The following HDAC5 variants were observed in gnomAD, a reference collection of about 807,000 sequenced individuals.
The protein encoded by HDAC5 is histone deacetylase 5.
In HDAC5, 25 loss-of-function variants were observed where a neutral mutation model predicts 133.3. The observed-to-expected ratio is 0.19, with a 90% CI of 0.14 to 0.26. HDAC5 has a LOEUF of 0.26. Ranked by LOEUF, HDAC5 falls within the 10% of genes least tolerant of loss-of-function variation. The pLI, the probability that HDAC5 is intolerant of heterozygous loss-of-function variation, is 1.00. For synonymous variants in HDAC5, 589 were observed against 610.8 expected (o/e 0.96, Z 0.53); for missense variants, 1,041 against 1,460.5 (o/e 0.71, Z 4.68).
At position 44,091,313 on chromosome 17, in the gene HDAC5, C is replaced by A; in HGVS notation, c.1344G>T (p.Val448=). The A allele has an allele frequency of 6.2e-7, 1 of 1,611,620 alleles. No homozygotes were observed. Among genetic ancestry groups the A allele is most frequent in the South Asian group, 1.1e-5 (1 of 90,860 alleles). Residue 448 remains valine, a synonymous_variant, in exon 11 of 27, where the codon GTG becomes GTT. Transcript: ENST00000682912. The stretch of plus-strand genomic sequence containing the variant: ...GCTGCCGGGCCTGCTCCAGCAACAG[C>A]ACATGCTGCAGCAGGGAGGCATGCC... ...PHGHASLLQH[V]LLLEQARQQS... is the part of the protein sequence containing the mutation.
chr17:44,123,178 G>C (rs958501951), intron 1 of HDAC5: 2 of 221,438 alleles, frequency 9.0e-6, no homozygotes, highest in African/African-American at 2.3e-5. Flanking sequence ...CCAGGGAAGG[G>C]GCAAATCAGA....
At chr17:44,095,884 G>A (rs189050) in intron 3 of HDAC5, among the ~76,000 whole-genome samples, 1 of 151,870 alleles carries the variant, frequency 6.6e-6, no homozygotes, top group Non-Finnish European at 1.5e-5. Context: ...AAGGCTGCTG[G>A]GGAGGGGAAG....
At chr17:44,082,728 C>A in intron 19 of HDAC5, 37 bp downstream of exon 19, 1 of 1,607,154 alleles carries the variant, frequency 6.2e-7, no homozygotes, top group Admixed American at 1.7e-5. Context: ...TTGCAAGAGA[C>A]AGGAAGGGGC....
At chr17:44,081,804 C>T (rs992522268) in intron 20 of HDAC5, 1 of 152,186 alleles carries the variant, frequency 6.6e-6, no homozygotes, top group Non-Finnish European at 1.5e-5. Context: ...TGGTCTCGAA[C>T]TCCTGACCCC....
At position 44,088,469 on chromosome 17, in the gene HDAC5, TGGGG is replaced by T. The variant is rs1285084001; in HGVS notation, c.1513_1516del (p.Pro505ArgfsTer51). The T allele has an allele frequency of 6.2e-7, 1 of 1,609,584 alleles. No individual in the cohort carries two copies. Among genetic ancestry groups the T allele is most frequent in the Admixed American group, 1.7e-5 (1 of 59,432 alleles). On this transcript the variant is annotated frameshift_variant, in exon 12 of 27. Coordinates refer to ENST00000682912, the MANE Select transcript of HDAC5 (RefSeq NM_005474.5). LOFTEE classifies it high-confidence loss of function. ...TTGCATGACCAGCTGCTGCAGGGCC[TGGGG>T]ACTCTGCGGCAGCGGTGAGGACTGA... is the stretch of plus-strand genomic sequence containing the variant.
chr17:44,108,783 A>C (rs1160190198), intron 3 of HDAC5, among the ~76,000 whole-genome samples: 2 of 150,414 alleles, frequency 1.3e-5, no homozygotes, highest in Non-Finnish European at 2.9e-5. Context: ...CAAAAAAAAA[A>C]CAAGGCTGCC....
intron 2 of HDAC5, among the ~76,000 whole-genome samples, chr17:44,115,573 G>C (rs182635051): frequency 6.6e-6 from 1 of 152,310 alleles, no homozygotes; most frequent in East Asian, 1.9e-4. Flanking sequence ...GAGCTGGGGG[G>C]AGGCTGACTA....
In HDAC5 at chr17:44,078,675, A is replaced by G. The variant is rs1348733298; in HGVS notation, c.3164-10T>C. 1.2e-6 allele frequency: 2 copies of G among 1,604,750 alleles called. No individual in the cohort carries two copies. The highest frequency in any genetic ancestry group is 1.7e-6 in the Non-Finnish European group (2 of 1,177,210). ...CAGCTCCAGTGTTTGCCTGTGGACG[A>G]GAGACAGGCAAGGGGTCAGGGAGGG... On this transcript the variant is annotated splice_polypyrimidine_tract_variant and intron_variant, in intron 25 of 26. Transcript: ENST00000682912.
At chr17:44,083,747 G>T in intron 17 of HDAC5, 58 bp downstream of exon 17, 1 of 1,585,620 alleles carries the variant, frequency 6.3e-7, no homozygotes, top group Non-Finnish European at 8.7e-7. Context: ...GGTAGGCAGG[G>T]AAGAGACAGA....
intron 3 of HDAC5, among the ~76,000 whole-genome samples, chr17:44,108,766 A>AC (rs1156949203): frequency 1.5e-4 from 22 of 146,748 alleles, no homozygotes; most frequent in African/African-American, 5.9e-4. Context: ...AAAAAACAAA[A>AC]AAAAAACAAA....
rs2050205538 is a variant in HDAC5 at position 44,078,298 on chromosome 17, ATG to A, written c.*76_*77del. The A allele has an allele frequency of 2.7e-5, 38 of 1,420,974 alleles. No individual in the cohort carries two copies. The South Asian group carries it at 5.4e-4, about 20-fold the overall frequency. 88.0% of individuals were successfully genotyped at this position (1,420,974 alleles called of 1,614,324 possible). ...AGACCCACACGGCACACCTTGTTGA[ATG>A]TGTGACTTTTTGTTTTTAATAGAAA... On this transcript the variant is annotated 3_prime_UTR_variant, in exon 27 of 27. Coordinates refer to ENST00000682912, the MANE Select transcript of HDAC5 (RefSeq NM_005474.5).
Position 44,078,068 on chromosome 17 carries a change from G to A in HDAC5, c.*308C>T. ...CCCAGAACTGGAGAGTACTGTCTGG[G>A]CCCCCGTGCCCACCTTGAGCTGGCC... On this transcript the variant is annotated 3_prime_UTR_variant, in exon 27 of 27. Transcript: ENST00000682912. 1 of 301,520 alleles carries A rather than the reference G, an allele frequency of 3.3e-6. No homozygotes were observed. Among genetic ancestry groups the A allele is most frequent in the Non-Finnish European group, 6.1e-6 (1 of 163,066 alleles). 18.7% of individuals were successfully genotyped at this position (301,520 alleles called of 1,614,324 possible).
intron 12 of HDAC5, 81 bp downstream of exon 12, chr17:44,088,303 AAAG>A: frequency 5.4e-6 from 8 of 1,493,234 alleles, no homozygotes; most frequent in Non-Finnish European, 7.1e-6. Context: ...GTCTGGCCTG[AAAG>A]GAGGACTTTT....
chr17:44,095,956 G>T (rs546041669), intron 3 of HDAC5, among the ~76,000 whole-genome samples: 1 of 152,118 alleles, frequency 6.6e-6, no homozygotes, highest in South Asian at 2.1e-4. Flanking sequence ...ACAATGGGCC[G>T]AGTGGCTCAG....
chr17:44,094,750 G>GTATATATATGTGTGTACGTA (rs1395656679), intron 3 of HDAC5, among the ~76,000 whole-genome samples: 4 of 30,944 alleles, frequency 1.3e-4, no homozygotes, highest in Non-Finnish European at 7.5e-4. Context: ...GTACGTATGT[G>GTATATATATGTGTGTACGTA]TGTGTATATA....
rs541961500 is a variant in HDAC5 at position 44,077,581 on chromosome 17, A to G, written c.*795T>C. 2.0e-5 allele frequency: 3 copies of G among 152,404 alleles called. No homozygotes were observed. In the East Asian group the frequency reaches 5.8e-4, roughly 29 times the overall value. 9.4% of individuals were successfully genotyped at this position (152,404 alleles called of 1,614,324 possible). On this transcript the variant is annotated 3_prime_UTR_variant, in exon 27 of 27. Transcript: ENST00000682912. ...CTCCCCTTGCCCAGGCTGTGCCAGC[A>G]GAGGGGCAGGGAGGCCATCCGAGTA...
chr17:44,078,290 C>G lies in HDAC5; in HGVS notation c.*86G>C. ...AGGCTGAGAGACCCACACGGCACAC[C>G]TTGTTGAATGTGTGACTTTTTGTTT... On this transcript the variant is annotated 3_prime_UTR_variant, in exon 27 of 27. Coordinates refer to ENST00000682912, the MANE Select transcript of HDAC5 (RefSeq NM_005474.5). 7.3e-7 allele frequency: 1 copy of G among 1,378,390 alleles called. No homozygotes were observed. The highest frequency in any genetic ancestry group is 9.7e-7 in the Non-Finnish European group (1 of 1,033,292). 85.4% of individuals were successfully genotyped at this position (1,378,390 alleles called of 1,614,324 possible).
At chr17:44,105,529 G>T (rs2051880896) in intron 3 of HDAC5, among the ~76,000 whole-genome samples, 1 of 152,140 alleles carries the variant, frequency 6.6e-6, no homozygotes, top group African/African-American at 2.4e-5. Flanking sequence ...CCACACCTGG[G>T]GTGGAATGGC....
chr17:44,078,178 C>A lies in HDAC5; in HGVS notation c.*198G>T, dbSNP rs1387457577. The A allele has an allele frequency of 9.2e-5, 47 of 513,032 alleles. 1 individual carries two copies. The highest frequency in any genetic ancestry group is 2.0e-5 in the Non-Finnish European group (6 of 295,382). The allele number at this position is 513,032 out of a possible 1,614,324, so 31.8% of individuals were successfully genotyped here. On this transcript the variant is annotated 3_prime_UTR_variant, in exon 27 of 27. Coordinates refer to ENST00000682912, the MANE Select transcript of HDAC5 (RefSeq NM_005474.5). ...GGACAGGGCTGGGAAGACACCACCA[C>A]CCCCTGCAGAGGGAGCAGGCTTCTA... is the stretch of plus-strand genomic sequence containing the variant.
Sources: allele counts gnomAD v4.1 joint callset (sites outside exome capture counted in the v4.1 genomes callset), GRCh38; gene constraint gnomAD v4.1.1; transcripts MANE v1.5; gene names NCBI Gene and HGNC (gene_info 2026-07-23, HGNC 2026-07-21).